APPL2: variants seen among roughly 807,000 people sequenced by gnomAD.
The protein encoded by APPL2 is DCC-interacting protein 13-beta.
APPL2 carries 84 observed loss-of-function variants against 92.7 expected under a neutral mutation model. The observed-to-expected ratio is 0.91, with a 90% confidence interval of 0.76 to 1.09. The LOEUF (loss-of-function observed/expected upper bound fraction) is 1.09. APPL2 is among the 50% of genes least tolerant of loss of function. APPL2 has a pLI of 0.00. For synonymous variants in APPL2, 291 were observed against 291.0 expected (o/e 1.00, Z 0.00); for missense variants, 736 against 824.5 (o/e 0.89, Z 1.31).
At chr12:105,175,814 T>TA (rs1885484444) in intron 20 of APPL2, among the ~76,000 whole-genome samples, 1 of 152,074 alleles carries the variant, frequency 6.6e-6, no homozygotes, top group African/African-American at 2.4e-5. Flanking sequence ...AGAAAACAGA[T>TA]AAGCAGGAGC....
rs547515327 is a variant in APPL2, at chr12:105,192,379, C to T, written c.1242-2224G>A. On this transcript the variant is annotated intron_variant, in intron 14 of 20. Coordinates refer to ENST00000258530, the MANE Select transcript of APPL2 (RefSeq NM_018171.5). ...ACTTTGGAAAATGGAGAGTGGGTAT[C>T]TCTGTCTCCATCACAAACACGCACC... 8.5e-5 allele frequency among the ~76,000 whole-genome samples: 13 copies of T among 152,294 alleles called. 1 individual carries two copies. The highest frequency in any genetic ancestry group is 2.4e-4 in the African/African-American group (10 of 41,552).
Position 105,199,372 on chromosome 12 carries a change from C to CT in APPL2, c.863dup (p.Asn288LysfsTer71). ...AAAGAGGCAGACGGTGGCGTTCTCA[C>CT]TTTCTAAGATTAAGGTAACCAGCCT... On this transcript the variant is annotated frameshift_variant and splice_region_variant. Coordinates refer to ENST00000258530, the MANE Select transcript of APPL2 (RefSeq NM_018171.5). LOFTEE classifies it high-confidence loss of function. 6 of 1,607,788 alleles carry CT rather than the reference C, an allele frequency of 3.7e-6. No homozygotes were observed. The highest frequency in any genetic ancestry group is 5.1e-6 in the Non-Finnish European group (6 of 1,177,198).
intron 14 of APPL2, among the ~76,000 whole-genome samples, chr12:105,191,899 G>A (rs1233552813): frequency 6.6e-6 from 1 of 152,074 alleles, no homozygotes; most frequent in Non-Finnish European, 1.5e-5. Context: ...TGCAGGCTCT[G>A]CTTTCCCCTC....
Position 105,211,494 on chromosome 12 carries a change from A to G in APPL2, c.286-177T>C, listed in dbSNP as rs75708778. Among the ~76,000 whole-genome samples the G allele has an allele frequency of 1.8e-3, 277 of 152,370 alleles. 7 individuals carry two copies. The East Asian group carries it at 0.048, about 27-fold the overall frequency. ...AAATGATATTGGCCTAGAAGCATGA[A>G]AAATGAAATGCAAGGTTCTAACTGA... On this transcript the variant is annotated intron_variant, in intron 4 of 20. Transcript: ENST00000258530.
At position 105,188,190 on chromosome 12, in the gene APPL2, C is replaced by G. The variant is rs1198840353; in HGVS notation, c.1634+83G>C. ...CAAGAGTAGTCTCTTCATTCCAGTA[C>G]TAACATTTCAGATGGGTGCATTAGC... is the stretch of plus-strand genomic sequence containing the variant. On this transcript the variant is annotated intron_variant, in intron 17 of 20. Transcript: ENST00000258530. The G allele has an allele frequency of 3.4e-6, 5 of 1,468,022 alleles. No individual in the cohort carries two copies. In the African/African-American group the frequency reaches 7.0e-5, roughly 21 times the overall value. The allele number at this position is 1,468,022 out of a possible 1,614,324, so 90.9% of individuals were successfully genotyped here.
intron 17 of APPL2, among the ~76,000 whole-genome samples, chr12:105,186,482 C>T (rs947816981): frequency 6.6e-6 from 1 of 151,914 alleles, no homozygotes; most frequent in Non-Finnish European, 1.5e-5. Flanking sequence ...GTATTTAATT[C>T]TTTTGGGTAA....
Position 105,235,950 on chromosome 12 carries a change from G to A in APPL2, c.54+9C>T, listed in dbSNP as rs995314727. ...TGCGGGCGAGGGGCACCGGAGCGGC[G>A]GGAGGTACCTGGGGGCTGTCCTGCA... On this transcript the variant is annotated intron_variant, in intron 1 of 20. Coordinates refer to ENST00000258530, the MANE Select transcript of APPL2 (RefSeq NM_018171.5). The A allele has an allele frequency of 8.0e-7, 1 of 1,244,680 alleles. No homozygotes were observed. Among genetic ancestry groups the A allele is most frequent in the Non-Finnish European group, 1.0e-6 (1 of 985,730 alleles). 77.1% of individuals were successfully genotyped at this position (1,244,680 alleles called of 1,614,324 possible).
chr12:105,186,631 T>TATATGATATTG (rs368764204), intron 17 of APPL2, among the ~76,000 whole-genome samples: 13 of 121,772 alleles, frequency 1.1e-4, no homozygotes, highest in Admixed American at 5.2e-4. Flanking sequence ...ATATATCATA[T>TATATGATATTG]ATATCATATA....
At chr12:105,235,412 C>A (rs1260755937) in intron 1 of APPL2, 1 of 152,158 alleles carries the variant, frequency 6.6e-6, no homozygotes, top group African/African-American at 2.4e-5. Context: ...AGGCCTGGTA[C>A]CGCCGGAAAA....
At chr12:105,209,983 C>T (rs546181583) in intron 5 of APPL2, among the ~76,000 whole-genome samples, 24 of 151,052 alleles carry the variant, frequency 1.6e-4, no homozygotes, top group South Asian at 2.1e-4. Flanking sequence ...TTTTTTGAGA[C>T]GGAGTCTCGC....
chr12:105,189,918 G>C (rs558953822), intron 15 of APPL2, 73 bp downstream of exon 15: 2 of 1,610,690 alleles, frequency 1.2e-6, no homozygotes, highest in African/African-American at 2.7e-5. Context: ...ACAGTCTTTG[G>C]TGGTGGAGGG....
At position 105,188,416 on chromosome 12, in the gene APPL2, C is replaced by T; in HGVS notation, c.1491G>A (p.Arg497=). The change falls in exon 17 of 21, where the codon CGG becomes CGA. Residue 497 remains arginine, a synonymous_variant. Coordinates refer to ENST00000258530, the MANE Select transcript of APPL2 (RefSeq NM_018171.5). ...TTTTAACTGCCATTGATCCCAAAAACCGAACTATAAACATCTGCTGCAAAA... is the reference window on the plus strand; with the variant it reads ...TTTTAACTGCCATTGATCCCAAAAATCGAACTATAAACATCTGCTGCAAAA... ...DSLLQQMFIV[R]FLGSMAVKTD... 1.9e-6 allele frequency: 3 copies of T among 1,614,136 alleles called. No homozygotes were observed. Among genetic ancestry groups the T allele is most frequent in the Non-Finnish European group, 2.5e-6 (3 of 1,180,014 alleles).
intron 2 of APPL2, among the ~76,000 whole-genome samples, chr12:105,218,768 G>A (rs1196767): frequency 0.36 from 54,716 of 152,072 alleles, 10,834 homozygotes; most frequent in Middle Eastern, 0.54. Context: ...TAGAACACTC[G>A]CTGGCAATGA....
chr12:105,195,498 T>C lies in APPL2; in HGVS notation c.1099A>G (p.Ile367Val). The change falls in exon 13 of 21, where the codon ATA becomes GTA. Residue 367 changes from isoleucine (I) to valine (V), a missense_variant. Ile to Val is a conservative substitution (Grantham distance 29). Transcript: ENST00000258530. ...CTGGAGATGTTGTTTATTGCACATA[T>C]CCACTGTAGAGGACATTAAAAAAGA... ...AESRKENEEW[I>V]CAINNISRQI... The C allele has an allele frequency of 6.2e-7, 1 of 1,614,152 alleles. No individual in the cohort carries two copies. Among genetic ancestry groups the C allele is most frequent in the East Asian group, 2.2e-5 (1 of 44,884 alleles).
chr12:105,189,868 A>G, intron 15 of APPL2, 44 bp from the exon 16 acceptor site: 1 of 1,612,788 alleles, frequency 6.2e-7, no homozygotes, highest in South Asian at 1.1e-5. Flanking sequence ...AGCTGCAGCT[A>G]GAAGGGCACT....
chr12:105,175,931 C>T, intron 20 of APPL2, 104 bp downstream of exon 20: 1 of 1,186,198 alleles, frequency 8.4e-7, no homozygotes, highest in East Asian at 2.8e-5. Flanking sequence ...CAAACTTGGC[C>T]ACACTTTCCA....
intron 17 of APPL2, among the ~76,000 whole-genome samples, chr12:105,185,431 G>A (rs1157295254): frequency 6.6e-6 from 1 of 152,200 alleles, no homozygotes; most frequent in Non-Finnish European, 1.5e-5. Context: ...TGCAAAGACA[G>A]TGGCAAAAGC....
intron 14 of APPL2, among the ~76,000 whole-genome samples, chr12:105,191,216 C>T (rs564428646): frequency 1.3e-5 from 2 of 152,204 alleles, no homozygotes. Flanking sequence ...TTGGAGACCA[C>T]TTGGTCTGAC....
chr12:105,198,757 T>C (rs1165594132), intron 10 of APPL2, among the ~76,000 whole-genome samples: 1 of 152,192 alleles, frequency 6.6e-6, no homozygotes, highest in East Asian at 1.9e-4. Flanking sequence ...GTAAAGCAGG[T>C]GCAGTTATCA....
Sources: allele counts gnomAD v4.1 joint callset (sites outside exome capture counted in the v4.1 genomes callset), GRCh38; gene constraint gnomAD v4.1.1; transcripts MANE v1.5; gene names NCBI Gene and HGNC (gene_info 2026-07-23, HGNC 2026-07-21).